The following OCA2 variants were observed in gnomAD, a reference collection of about 807,000 sequenced individuals.
OCA2 encodes P protein.
A neutral mutation model predicts 100.2 loss-of-function variants in OCA2; 77 were observed. The ratio of observed to expected loss-of-function variants is 0.77; its 90% confidence interval spans 0.64 to 0.93. The LOEUF (loss-of-function observed/expected upper bound fraction) is 0.93. Among genes scored for constraint, OCA2 ranks in the 40% least tolerant of loss-of-function variants. The probability of loss-of-function intolerance (pLI) is 0.00; values close to 1 mark genes in which losing one functional copy is unlikely to be tolerated. For synonymous variants in OCA2, 432 were observed against 439.2 expected (o/e 0.98, Z 0.21); for missense variants, 1,062 against 1,089.1 (o/e 0.98, Z 0.35).
chr15:27,765,234 TTATACA>T (rs1039906682), intron 23 of OCA2, among the ~76,000 whole-genome samples: 3 of 152,150 alleles, frequency 2.0e-5, no homozygotes, highest in Non-Finnish European at 2.9e-5. Context: ...GCCAGTGTCC[TTATACA>T]AACACTGGAA....
the OCA2 span, among the ~76,000 whole-genome samples, chr15:27,744,180 G>C: frequency 3.9e-5 from 6 of 152,184 alleles, no homozygotes; most frequent in Non-Finnish European, 8.8e-5. Context: ...CTAAGATCCG[G>C]GGTGTCAGCC....
At chr15:27,722,802 T>C in the OCA2 span, among the ~76,000 whole-genome samples, 648 of 39,498 alleles carry the variant, frequency 0.016, 6 homozygotes, top group African/African-American at 0.04. Context: ...CTCTCTCTCT[T>C]TCTCTCTCTC....
intron 23 of OCA2, among the ~76,000 whole-genome samples, chr15:27,841,166 G>A (rs538775122): frequency 2.0e-5 from 3 of 152,336 alleles, no homozygotes; most frequent in South Asian, 2.1e-4. Context: ...CAATTTGGAT[G>A]AATTGCTAGA....
At chr15:27,981,633 C>G (rs977162285) in intron 14 of OCA2, among the ~76,000 whole-genome samples, 1 of 152,214 alleles carries the variant, frequency 6.6e-6, no homozygotes, top group African/African-American at 2.4e-5. Flanking sequence ...TTCCAGTCTG[C>G]CTGGCAGAAC....
chr15:27,988,580 G>A (rs540634666), intron 11 of OCA2, among the ~76,000 whole-genome samples: 3 of 152,236 alleles, frequency 2.0e-5, no homozygotes, highest in East Asian at 1.9e-4. Flanking sequence ...TGCCCACACC[G>A]TGATCTCGGA....
At chr15:27,840,109 T>C (rs1325516502) in intron 23 of OCA2, among the ~76,000 whole-genome samples, 2 of 151,964 alleles carry the variant, frequency 1.3e-5, no homozygotes, top group Non-Finnish European at 2.9e-5. Context: ...CCTTAAACAC[T>C]TATGGCAAAT....
chr15:27,937,217 C>T (rs537254649), intron 18 of OCA2, among the ~76,000 whole-genome samples: 16 of 152,274 alleles, frequency 1.1e-4, no homozygotes, highest in South Asian at 4.1e-4. Flanking sequence ...TTGGCCAACA[C>T]ATTTGTGAGA....
chr15:28,084,535 G>A (rs551417481), intron 1 of OCA2, among the ~76,000 whole-genome samples: 3 of 152,268 alleles, frequency 2.0e-5, no homozygotes, highest in Non-Finnish European at 4.4e-5. Flanking sequence ...CTGTTAAAAA[G>A]CACACACGTG....
the OCA2 span, among the ~76,000 whole-genome samples, chr15:27,738,461 C>T: frequency 2.0e-4 from 31 of 152,272 alleles, no homozygotes; most frequent in African/African-American, 7.0e-4. Flanking sequence ...CCGGGCCGGG[C>T]GCGGTGGCTC....
chr15:27,816,651 G>A (rs953352851), intron 23 of OCA2, among the ~76,000 whole-genome samples: 4 of 152,134 alleles, frequency 2.6e-5, no homozygotes, highest in Admixed American at 2.0e-4. Flanking sequence ...CTCGGTTCCC[G>A]TAACTCCTCC....
chr15:27,906,552 T>C (rs12903258), intron 19 of OCA2, among the ~76,000 whole-genome samples: 58,756 of 151,820 alleles, frequency 0.39, 11,494 homozygotes, highest in Middle Eastern at 0.55. Context: ...AAAAAACAAA[T>C]AGTAGAATGA....
intron 23 of OCA2, among the ~76,000 whole-genome samples, chr15:27,811,663 C>T (rs1473850833): frequency 1.3e-5 from 2 of 152,002 alleles, no homozygotes; most frequent in South Asian, 2.1e-4. Flanking sequence ...TACCTTTTTG[C>T]CCTCTCTGTA....
chr15:28,039,806 A>G (rs1400522866), intron 2 of OCA2, among the ~76,000 whole-genome samples: 1 of 152,170 alleles, frequency 6.6e-6, no homozygotes, highest in Non-Finnish European at 1.5e-5. Flanking sequence ...AGGCCAAGGC[A>G]GGTGGATCAC....
At chr15:27,889,457 T>C (rs1452180026) in intron 19 of OCA2, among the ~76,000 whole-genome samples, 1 of 152,118 alleles carries the variant, frequency 6.6e-6, no homozygotes, top group African/African-American at 2.4e-5. Context: ...GGGCTCCACA[T>C]GCCAAAAGGT....
At chr15:28,059,513 C>T (rs1393771036) in intron 2 of OCA2, among the ~76,000 whole-genome samples, 1 of 152,160 alleles carries the variant, frequency 6.6e-6, no homozygotes, top group Non-Finnish European at 1.5e-5. Flanking sequence ...TGCACTCCAA[C>T]CTGAGCGACA....
At chr15:28,067,818 T>C (rs897853487) in intron 2 of OCA2, among the ~76,000 whole-genome samples, 2 of 152,188 alleles carry the variant, frequency 1.3e-5, no homozygotes, top group African/African-American at 4.8e-5. Context: ...TCTGTGGTTG[T>C]TGGAGTGTTC....
chr15:27,723,456 C>G, the OCA2 span, among the ~76,000 whole-genome samples: 1 of 152,086 alleles, frequency 6.6e-6, no homozygotes, highest in Non-Finnish European at 1.5e-5. Context: ...CTCACAGATG[C>G]TAAACCTGCC....
At chr15:27,721,631 T>C in the OCA2 span, among the ~76,000 whole-genome samples, 742 of 152,272 alleles carry the variant, frequency 4.9e-3, 5 homozygotes, top group African/African-American at 0.017. Flanking sequence ...ATAATCAGTA[T>C]TTTCAAAGGA....
At chr15:27,733,255 C>T in the OCA2 span, among the ~76,000 whole-genome samples, 1 of 151,880 alleles carries the variant, frequency 6.6e-6, no homozygotes, top group Admixed American at 6.6e-5. Flanking sequence ...TATTTTTTTC[C>T]TTTGAAAATG....
Sources: allele counts gnomAD v4.1 joint callset (sites outside exome capture counted in the v4.1 genomes callset), GRCh38; gene constraint gnomAD v4.1.1; transcripts MANE v1.5; gene names NCBI Gene and HGNC (gene_info 2026-07-23, HGNC 2026-07-21).